The following CREB5 variants were observed in gnomAD, a reference collection of about 807,000 sequenced individuals.
CREB5 encodes the protein cyclic AMP-responsive element-binding protein 5.
A neutral mutation model predicts 57.1 loss-of-function variants in CREB5; 19 were observed. The observed-to-expected ratio is 0.33, with a 90% CI of 0.23 to 0.49. The LOEUF (loss-of-function observed/expected upper bound fraction) is 0.49. Ranked by LOEUF, CREB5 falls within the 20% of genes least tolerant of loss-of-function variation. The pLI is 0.99. For missense variants in CREB5, 579 were observed against 671.6 expected (o/e 0.86, Z 1.52); for synonymous variants, 238 against 238.3 (o/e 1.00, Z 0.01).
chr7:28,589,174 C>T (rs1458829033), intron 5 of CREB5, among the ~76,000 whole-genome samples: 1 of 152,200 alleles, frequency 6.6e-6, no homozygotes, highest in Non-Finnish European at 1.5e-5. Flanking sequence ...ATCCATCCAT[C>T]AGTCTTATTT....
chr7:28,782,359 T>C lies in CREB5; in HGVS notation c.703-21840T>C, dbSNP rs936405087. On this transcript the variant is annotated intron_variant, in intron 7 of 10. Coordinates refer to ENST00000357727, the MANE Select transcript of CREB5 (RefSeq NM_182898.4). The stretch of plus-strand genomic sequence containing the variant: ...ATATTTAAAATCTTATTTTGATACA[T>C]TGTCAGCAGCAGAAATTGAAAACAC... 1.8e-4 allele frequency among the ~76,000 whole-genome samples: 26 copies of C among 140,632 alleles called. 1 individual carries two copies. Among genetic ancestry groups the C allele is most frequent in the Admixed American group, 4.1e-4 (6 of 14,482 alleles). The allele number at this position is 140,632 out of a possible 152,430, so 92.3% of individuals were successfully genotyped here. A position where few individuals can be genotyped will look rare whatever the true frequency, so the allele number is the denominator to read the frequency against.
intron 5 of CREB5, among the ~76,000 whole-genome samples, chr7:28,587,325 A>G (rs1219906977): frequency 6.6e-6 from 1 of 152,118 alleles, no homozygotes; most frequent in African/African-American, 2.4e-5. Flanking sequence ...ATTGAAATCC[A>G]CCGATGCAGG....
At position 28,703,399 on chromosome 7, in the gene CREB5, G is replaced by C. The variant is rs139314836; in HGVS notation, c.465-15354G>C. Among the ~76,000 whole-genome samples, 5 of 152,274 alleles carry C rather than the reference G, an allele frequency of 3.3e-5. No homozygotes were observed. In the East Asian group the frequency reaches 7.7e-4, roughly 24 times the overall value. On this transcript the variant is annotated intron_variant, in intron 5 of 10. Transcript: ENST00000357727. ...CTACCAAATATATTTAAGGAAATAT[G>C]AGGGGAAAGATCTAAAGACGGAGCA...
At chr7:28,500,263 C>G (rs114419190) in intron 3 of CREB5, among the ~76,000 whole-genome samples, 1,717 of 152,234 alleles carry the variant, frequency 0.011, 20 homozygotes, top group African/African-American at 0.038. Context: ...AAGTGGCCAG[C>G]AGGAAGCGGG....
At chr7:28,372,385 C>A (rs1266536417) in intron 1 of CREB5, among the ~76,000 whole-genome samples, 3 of 152,130 alleles carry the variant, frequency 2.0e-5, no homozygotes, top group Non-Finnish European at 4.4e-5. Context: ...ATTATTTATT[C>A]CTCAAGGAGA....
chr7:28,429,638 A>G (rs1030670769), intron 1 of CREB5, among the ~76,000 whole-genome samples: 1 of 152,076 alleles, frequency 6.6e-6, no homozygotes, highest in Admixed American at 6.6e-5. Context: ...TTGGGGGTGG[A>G]ATTATTGCTT....
chr7:28,748,247 A>G (rs1412211609), intron 7 of CREB5, among the ~76,000 whole-genome samples: 2 of 152,166 alleles, frequency 1.3e-5, no homozygotes, highest in African/African-American at 4.8e-5. Flanking sequence ...GCAAATCTAA[A>G]TCTCTACAAG....
At chr7:28,674,841 C>A (rs1800240972) in intron 5 of CREB5, among the ~76,000 whole-genome samples, 1 of 152,182 alleles carries the variant, frequency 6.6e-6, no homozygotes, top group African/African-American at 2.4e-5. Context: ...TATGCTAGTC[C>A]CTTCTTTAGA....
chr7:28,458,139 C>T (rs914001194), intron 1 of CREB5, among the ~76,000 whole-genome samples: 2 of 152,122 alleles, frequency 1.3e-5, no homozygotes, highest in East Asian at 1.9e-4. Flanking sequence ...TGACAGACTT[C>T]GTTTTAGATT....
At chr7:28,635,865 A>G (rs1460772435) in intron 5 of CREB5, among the ~76,000 whole-genome samples, 4 of 152,232 alleles carry the variant, frequency 2.6e-5, no homozygotes, top group African/African-American at 9.6e-5. Flanking sequence ...AGCCTACCTG[A>G]CAATTCAGAA....
intron 7 of CREB5, among the ~76,000 whole-genome samples, chr7:28,737,558 T>TATATATAC (rs1562606511): frequency 1.2e-5 from 1 of 82,770 alleles, no homozygotes; most frequent in Admixed American, 1.2e-4. Flanking sequence ...TATATATATA[T>TATATATAC]ATATATATAT....
intron 3 of CREB5, among the ~76,000 whole-genome samples, chr7:28,504,704 A>C (rs1562761518): frequency 6.6e-6 from 1 of 152,150 alleles, no homozygotes; most frequent in Non-Finnish European, 1.5e-5. Context: ...CCCTCTCCAG[A>C]GAGTTTGCAA....
chr7:28,619,350 G>A (rs1165652814), intron 5 of CREB5, among the ~76,000 whole-genome samples: 1 of 152,190 alleles, frequency 6.6e-6, no homozygotes, highest in African/African-American at 2.4e-5. Flanking sequence ...GCAGACACCT[G>A]GATCTCACAG....
At chr7:28,640,388 C>G (rs1583463474) in intron 5 of CREB5, among the ~76,000 whole-genome samples, 1 of 152,142 alleles carries the variant, frequency 6.6e-6, no homozygotes, top group African/African-American at 2.4e-5. Context: ...GAAAAGCTTA[C>G]CAAACATCTT....
intron 4 of CREB5, among the ~76,000 whole-genome samples, chr7:28,545,818 C>CTG (rs141330572): frequency 0.11 from 17,275 of 151,928 alleles, 1,054 homozygotes; most frequent in African/African-American, 0.15. Flanking sequence ...AAATTCATAG[C>CTG]TGTGTGTGTG....
rs1481669375 is a variant in CREB5 at position 28,412,739 on chromosome 7, C to CT, written c.-171dup. On this transcript the variant is annotated 5_prime_UTR_variant, in exon 1 of 11. Transcript: ENST00000357727. ...GTAATTGTAAAATACCAGACCTGTT[C>CT]TTTTTACTAAAAGCTAGTTTCACTA... 14 of 470,038 alleles carry CT rather than the reference C, an allele frequency of 3.0e-5. No individual in the cohort carries two copies. The highest frequency in any genetic ancestry group is 5.6e-4 in the Middle Eastern group (1 of 1,794). The allele number at this position is 470,038 out of a possible 1,614,324, so 29.1% of individuals were successfully genotyped here.
chr7:28,670,991 G>A (rs1409384817), intron 5 of CREB5, among the ~76,000 whole-genome samples: 1 of 152,106 alleles, frequency 6.6e-6, no homozygotes, highest in Non-Finnish European at 1.5e-5. Context: ...TATAACTGTG[G>A]CGGAGAGTGG....
intron 7 of CREB5, among the ~76,000 whole-genome samples, chr7:28,794,696 T>C (rs1807922313): frequency 6.6e-6 from 1 of 152,008 alleles, no homozygotes; most frequent in African/African-American, 2.4e-5. Flanking sequence ...TTCGAACTCC[T>C]TTAAGAGACA....
At chr7:28,636,238 G>T (rs961794593) in intron 5 of CREB5, among the ~76,000 whole-genome samples, 1 of 152,172 alleles carries the variant, frequency 6.6e-6, no homozygotes, top group African/African-American at 2.4e-5. Context: ...GCTTGCCCAT[G>T]CCCTTTTTTG....
Sources: allele counts gnomAD v4.1 joint callset (sites outside exome capture counted in the v4.1 genomes callset), GRCh38; gene constraint gnomAD v4.1.1; transcripts MANE v1.5; gene names NCBI Gene and HGNC (gene_info 2026-07-23, HGNC 2026-07-21).